The following UGT1A8 variants were observed in gnomAD, a reference collection of about 807,000 sequenced individuals.
UGT1A8 encodes the protein UDP glucuronosyltransferase family 1 member A8.
Under a neutral mutation model 45.3 loss-of-function variants are expected in UGT1A8, and 39 were observed. The ratio of observed to expected loss-of-function variants is 0.86; its 90% confidence interval spans 0.67 to 1.12. The LOEUF (loss-of-function observed/expected upper bound fraction) is 1.12. Ranked by LOEUF, UGT1A8 falls within the 50% of genes most tolerant of loss-of-function variation. The pLI, the probability that UGT1A8 is intolerant of heterozygous loss-of-function variation, is 0.00. For synonymous variants in UGT1A8, 275 were observed against 249.2 expected (o/e 1.10, Z -0.97); for missense variants, 719 against 664.9 (o/e 1.08, Z -0.90).
At chr2:233,699,180 C>G (rs1205955703) in intron 1 of UGT1A8, among the ~76,000 whole-genome samples, 6 of 152,020 alleles carry the variant, frequency 3.9e-5, no homozygotes, top group Non-Finnish European at 7.4e-5. Context: ...CTGATCCTCA[C>G]TTCTTCTTCA....
intron 1 of UGT1A8, among the ~76,000 whole-genome samples, chr2:233,735,057 C>A (rs1430672120): frequency 1.3e-5 from 2 of 152,160 alleles, no homozygotes; most frequent in African/African-American, 4.8e-5. Flanking sequence ...GAGTTCAGGT[C>A]CTGGATATCC....
intron 1 of UGT1A8, among the ~76,000 whole-genome samples, chr2:233,653,254 A>G (rs1408572410): frequency 6.6e-6 from 1 of 152,232 alleles, no homozygotes; most frequent in African/African-American, 2.4e-5. Context: ...AAAACATATA[A>G]AAACACGACA....
chr2:233,641,422 T>A (rs767764285), intron 1 of UGT1A8, among the ~76,000 whole-genome samples: 6 of 152,218 alleles, frequency 3.9e-5, no homozygotes, highest in Admixed American at 6.5e-5. Flanking sequence ...CCCTACTTTT[T>A]AACTCTTTGT....
At chr2:233,720,540 C>T (rs1283139859) in intron 1 of UGT1A8, among the ~76,000 whole-genome samples, 3 of 152,068 alleles carry the variant, frequency 2.0e-5, no homozygotes, top group African/African-American at 7.2e-5. Context: ...CACCCTATCC[C>T]ACTCCAAGTT....
At chr2:233,622,172 A>G (rs1239775324) in intron 1 of UGT1A8, among the ~76,000 whole-genome samples, 1 of 152,182 alleles carries the variant, frequency 6.6e-6, no homozygotes, top group Non-Finnish European at 1.5e-5. Context: ...GCTGTTGTGA[A>G]TAGTGCTGCA....
intron 1 of UGT1A8, among the ~76,000 whole-genome samples, chr2:233,750,999 T>G (rs560264893): frequency 6.6e-6 from 1 of 151,774 alleles, no homozygotes; most frequent in Non-Finnish European, 1.5e-5. Flanking sequence ...GCCACCATCC[T>G]CCAGAATCCC....
intron 1 of UGT1A8, among the ~76,000 whole-genome samples, chr2:233,709,220 T>C (rs199860266): frequency 1.3e-5 from 2 of 152,108 alleles, no homozygotes; most frequent in African/African-American, 4.8e-5. Context: ...ATTTGAGAGT[T>C]TGGGGGAGGG....
intron 1 of UGT1A8, among the ~76,000 whole-genome samples, chr2:233,632,610 G>A (rs1459282199): frequency 6.6e-6 from 1 of 151,770 alleles, no homozygotes; most frequent in Non-Finnish European, 1.5e-5. Flanking sequence ...GTGAATGGGA[G>A]TTTACAATTT....
At chr2:233,765,924 G>A (rs1285485148) in intron 1 of UGT1A8, among the ~76,000 whole-genome samples, 9 of 152,180 alleles carry the variant, frequency 5.9e-5, no homozygotes, top group Middle Eastern at 3.4e-3. Context: ...GCATACAGAC[G>A]GGCAGGTTGT....
At chr2:233,713,660 T>G (rs1362794385) in intron 1 of UGT1A8, 3 of 1,613,860 alleles carry the variant, frequency 1.9e-6, no homozygotes, top group Non-Finnish European at 2.5e-6. Context: ...TGTCCTACCT[T>G]TGCCATGCTG....
rs1175463459 is a variant in UGT1A8 at position 233,690,472 on chromosome 2, A to G, written c.855+71910A>G. 6.2e-6 allele frequency: 8 copies of G among 1,289,120 alleles called. No homozygotes were observed. The Admixed American group carries it at 1.6e-4, about 26-fold the overall frequency. The allele number at this position is 1,289,120 out of a possible 1,614,324, so 79.9% of individuals were successfully genotyped here. The stretch of plus-strand genomic sequence containing the variant: ...TCAAAATGCCAGCTATCCTCCATTT[A>G]CTTTTTGGGAAATCTGCTCTTGCCA... On this transcript the variant is annotated intron_variant, in intron 1 of 4. Transcript: ENST00000373450.
At chr2:233,649,071 A>T (rs2073674550) in intron 1 of UGT1A8, 5 of 898,896 alleles carry the variant, frequency 5.6e-6, no homozygotes, top group South Asian at 3.4e-5. Context: ...TCTGGATTTG[A>T]ATATTTAAAA....
chr2:233,637,067 A>G (rs763974940), intron 1 of UGT1A8: 84 of 1,613,982 alleles, frequency 5.2e-5, no homozygotes, highest in Non-Finnish European at 7.0e-5. Context: ...GAAGGTGCAC[A>G]GTGCCCTGCT....
chr2:233,682,735 G>A (rs769747988), intron 1 of UGT1A8: 1 of 1,613,896 alleles, frequency 6.2e-7, no homozygotes, highest in Non-Finnish European at 8.5e-7. Context: ...AACCCGTGAT[G>A]CCCAATATGA....
intron 1 of UGT1A8, chr2:233,756,286 A>G (rs1696165566): frequency 6.6e-6 from 1 of 152,218 alleles, no homozygotes; most frequent in African/African-American, 2.4e-5. Flanking sequence ...ATAAAATGAC[A>G]CAGTATTTGT....
chr2:233,672,751 G>A, intron 1 of UGT1A8: 3 of 1,613,754 alleles, frequency 1.9e-6, no homozygotes, highest in Non-Finnish European at 2.5e-6. Context: ...GATCTTCATT[G>A]GTGGTATCAA....
In UGT1A8 at chr2:233,760,964, T is replaced by C. The variant is rs1355767569; in HGVS notation, c.856-6070T>C. ...TCACAGAACTTTCTGTGCGACGTGGTTTATTCCCCGTATGCAACCCTTGCC... is the reference window on the plus strand; with the variant it reads ...TCACAGAACTTTCTGTGCGACGTGGCTTATTCCCCGTATGCAACCCTTGCC... On this transcript the variant is annotated intron_variant, in intron 1 of 4. Coordinates refer to ENST00000373450, the MANE Select transcript of UGT1A8 (RefSeq NM_019076.5). The C allele has an allele frequency of 6.2e-7, 1 of 1,614,182 alleles. No individual in the cohort carries two copies. Among genetic ancestry groups the C allele is most frequent in the East Asian group, 2.2e-5 (1 of 44,880 alleles).
chr2:233,753,118 A>G (rs1695134024), intron 1 of UGT1A8: 1 of 152,220 alleles, frequency 6.6e-6, no homozygotes, highest in Non-Finnish European at 1.5e-5. Context: ...CATCCCCAGC[A>G]AACTACTCAG....
At chr2:233,632,367 T>C (rs1349891780) in intron 1 of UGT1A8, among the ~76,000 whole-genome samples, 1 of 152,214 alleles carries the variant, frequency 6.6e-6, no homozygotes, top group East Asian at 1.9e-4. Context: ...TCCTATTCTG[T>C]GAAGAAAGTC....
Sources: allele counts gnomAD v4.1 joint callset (sites outside exome capture counted in the v4.1 genomes callset), GRCh38; gene constraint gnomAD v4.1.1; transcripts MANE v1.5; gene names NCBI Gene and HGNC (gene_info 2026-07-23, HGNC 2026-07-21).